The following HS6ST3 variants were observed in gnomAD, a reference collection of about 807,000 sequenced individuals.
HS6ST3 encodes heparan sulfate 6-O-sulfotransferase 3, also known as heparan-sulfate 6-O-sulfotransferase 3.
HS6ST3 carries 12 observed loss-of-function variants against 36.7 expected under a neutral mutation model. The ratio of observed to expected loss-of-function variants is 0.33; its 90% CI spans 0.21 to 0.53. HS6ST3 has a LOEUF of 0.53. Ranked by LOEUF, HS6ST3 falls within the 20% of genes least tolerant of loss-of-function variation. The probability of loss-of-function intolerance (pLI) is 0.95; values close to 1 mark genes in which losing one functional copy is unlikely to be tolerated. For synonymous variants in HS6ST3, 240 were observed against 257.5 expected, an observed-to-expected ratio of 0.93 and a Z score of 0.65; for missense variants, 584 against 640.9, an observed-to-expected ratio of 0.91 and a Z score of 0.96.
intron 1 of HS6ST3, among the ~76,000 whole-genome samples, chr13:96,542,623 A>G (rs752415466): frequency 1.2e-4 from 19 of 152,022 alleles, no homozygotes; most frequent in Non-Finnish European, 2.5e-4. Context: ...TATATTTGTT[A>G]TATCTTCTTG....
intron 1 of HS6ST3, among the ~76,000 whole-genome samples, chr13:96,797,622 G>A (rs749675364): frequency 6.6e-6 from 1 of 152,076 alleles, no homozygotes; most frequent in Non-Finnish European, 1.5e-5. Context: ...GGGAAACAGA[G>A]AAATTAATGG....
At chr13:96,379,535 C>T (rs543983539) in intron 1 of HS6ST3, among the ~76,000 whole-genome samples, 1 of 152,238 alleles carries the variant, frequency 6.6e-6, no homozygotes, top group Admixed American at 6.5e-5. Flanking sequence ...TATAAACTAC[C>T]CAATCTATGG....
At chr13:96,347,232 C>T (rs540606533) in intron 1 of HS6ST3, among the ~76,000 whole-genome samples, 2 of 152,250 alleles carry the variant, frequency 1.3e-5, no homozygotes, top group South Asian at 4.1e-4. Flanking sequence ...TAATATGCTA[C>T]ACAGAAATAG....
intron 1 of HS6ST3, among the ~76,000 whole-genome samples, chr13:96,784,706 CAACTCA>C (rs1877602804): frequency 6.6e-6 from 1 of 152,150 alleles, no homozygotes; most frequent in Admixed American, 6.6e-5. Context: ...AGACCCATAT[CAACTCA>C]CTGTATTAGT....
intron 1 of HS6ST3, among the ~76,000 whole-genome samples, chr13:96,137,681 T>C (rs957540416): frequency 3.9e-5 from 6 of 152,176 alleles, no homozygotes; most frequent in African/African-American, 9.7e-5. Flanking sequence ...TCCACCCACG[T>C]TGGCCTCCCA....
chr13:96,097,823 C>G (rs902508061), intron 1 of HS6ST3, among the ~76,000 whole-genome samples: 1 of 152,170 alleles, frequency 6.6e-6, no homozygotes, highest in African/African-American at 2.4e-5. Flanking sequence ...ATATAAAGTG[C>G]CCAGCATAGA....
intron 1 of HS6ST3, among the ~76,000 whole-genome samples, chr13:96,564,449 C>G (rs1292393317): frequency 6.6e-6 from 1 of 152,152 alleles, no homozygotes; most frequent in Non-Finnish European, 1.5e-5. Flanking sequence ...TAGCACCTTG[C>G]ATAATGAATG....
At chr13:96,377,737 G>C (rs1246483064) in intron 1 of HS6ST3, among the ~76,000 whole-genome samples, 2 of 152,138 alleles carry the variant, frequency 1.3e-5, no homozygotes, top group East Asian at 3.9e-4. Context: ...TGTAAGCATT[G>C]TTGTCAAAAG....
At chr13:96,773,070 A>G (rs558497432) in intron 1 of HS6ST3, among the ~76,000 whole-genome samples, 1 of 151,950 alleles carries the variant, frequency 6.6e-6, no homozygotes, top group Admixed American at 6.5e-5. Context: ...AGGTGGGGGA[A>G]CTCCCTCCCC....
intron 1 of HS6ST3, among the ~76,000 whole-genome samples, chr13:96,641,212 T>G (rs1331505848): frequency 6.6e-6 from 1 of 151,966 alleles, no homozygotes; most frequent in Non-Finnish European, 1.5e-5. Context: ...TTTAAATTTC[T>G]TCTTGCAGAT....
chr13:96,358,714 A>G (rs967438133), intron 1 of HS6ST3, among the ~76,000 whole-genome samples: 1 of 152,178 alleles, frequency 6.6e-6, no homozygotes, highest in African/African-American at 2.4e-5. Flanking sequence ...TATAAATTGT[A>G]TATCAGTTTA....
At chr13:96,151,100 A>G (rs1397475056) in intron 1 of HS6ST3, among the ~76,000 whole-genome samples, 2 of 152,042 alleles carry the variant, frequency 1.3e-5, no homozygotes, top group Admixed American at 6.6e-5. Flanking sequence ...CCAGTCCACT[A>G]AAAAAAGACT....
chr13:96,819,271 C>A (rs528199253), intron 1 of HS6ST3, among the ~76,000 whole-genome samples: 1 of 152,186 alleles, frequency 6.6e-6, no homozygotes, highest in South Asian at 2.1e-4. Context: ...CCACTGCCAT[C>A]AGAAAAAAAG....
At chr13:96,770,869 T>G (rs1368043851) in intron 1 of HS6ST3, among the ~76,000 whole-genome samples, 1 of 152,192 alleles carries the variant, frequency 6.6e-6, no homozygotes, top group Non-Finnish European at 1.5e-5. Context: ...GAAAGGAGGC[T>G]GTCACCGTTG....
chr13:96,269,258 A>G (rs78885693), intron 1 of HS6ST3, among the ~76,000 whole-genome samples: 2,581 of 152,126 alleles, frequency 0.017, 32 homozygotes, highest in South Asian at 0.03. Flanking sequence ...ACTATTTGGT[A>G]TACATAAAAT....
chr13:96,254,439 AAAAAAAAAAATATATAT>A, intron 1 of HS6ST3, among the ~76,000 whole-genome samples: 1 of 51,812 alleles, frequency 1.9e-5, no homozygotes, highest in African/African-American at 7.0e-5. Flanking sequence ...AAAAAAAAAA[AAAAAAAAAAATATATAT>A]ATATATATAT....
chr13:96,820,348 A>G (rs1012400088), intron 1 of HS6ST3, among the ~76,000 whole-genome samples: 2 of 152,214 alleles, frequency 1.3e-5, no homozygotes, highest in Non-Finnish European at 2.9e-5. Context: ...TGGACAGTTT[A>G]TGAGGCTCTA....
chr13:96,470,919 C>T (rs972602775), intron 1 of HS6ST3, among the ~76,000 whole-genome samples: 4 of 152,122 alleles, frequency 2.6e-5, no homozygotes, highest in Non-Finnish European at 2.9e-5. Flanking sequence ...TGGAGGCCTC[C>T]AAGTCTGGGA....
chr13:96,796,871 G>A (rs1293348097), intron 1 of HS6ST3, among the ~76,000 whole-genome samples: 1 of 151,940 alleles, frequency 6.6e-6, no homozygotes, highest in African/African-American at 2.4e-5. Context: ...ATTTGGTAGG[G>A]GACTATCGAT....
Sources: allele counts gnomAD v4.1 joint callset (sites outside exome capture counted in the v4.1 genomes callset), GRCh38; gene constraint gnomAD v4.1.1; transcripts MANE v1.5; gene names NCBI Gene and HGNC (gene_info 2026-07-23, HGNC 2026-07-21).